Variants in MECOM observed in about 807,000 individuals in gnomAD.
MECOM encodes MDS1 and EVI1 complex locus, also known as histone-lysine N-methyltransferase MECOM.
In MECOM, 13 loss-of-function variants were observed where a neutral mutation model predicts 116.3. That is an observed-to-expected ratio of 0.11 (90% CI 0.07 to 0.18). The LOEUF (loss-of-function observed/expected upper bound fraction) is 0.18, where lower values mean the gene tolerates loss of function less well. MECOM is among the 10% of genes least tolerant of loss of function. MECOM has a pLI of 1.00. For missense variants in MECOM, 1,299 were observed against 1,509.0 expected (o/e 0.86, Z 2.31); for synonymous variants, 528 against 535.2 (o/e 0.99, Z 0.19).
chr3:169,326,569 C>G (rs1560135084), intron 2 of MECOM, among the ~76,000 whole-genome samples: 1 of 152,068 alleles, frequency 6.6e-6, no homozygotes. Flanking sequence ...GTTGAATGGT[C>G]TCCTTTTGCT....
intron 5 of MECOM, among the ~76,000 whole-genome samples, chr3:169,124,030 A>C (rs1409332140): frequency 1.3e-5 from 2 of 152,128 alleles, no homozygotes; most frequent in Non-Finnish European, 2.9e-5. Flanking sequence ...AAGGTTCTCT[A>C]CGCGAAATTA....
At chr3:169,630,677 G>A (rs1039725502) in intron 1 of MECOM, among the ~76,000 whole-genome samples, 1 of 152,050 alleles carries the variant, frequency 6.6e-6, no homozygotes, top group Non-Finnish European at 1.5e-5. Context: ...TCTCTAGGCT[G>A]GTCTTAAATC....
intron 1 of MECOM, among the ~76,000 whole-genome samples, chr3:169,427,057 A>T (rs558103829): frequency 1.3e-5 from 2 of 152,168 alleles, no homozygotes; most frequent in Admixed American, 1.3e-4. Flanking sequence ...GCATGGATAT[A>T]TAACAGAGAG....
At chr3:169,568,246 G>C (rs1409915067) in intron 1 of MECOM, among the ~76,000 whole-genome samples, 2 of 152,142 alleles carry the variant, frequency 1.3e-5, no homozygotes, top group African/African-American at 2.4e-5. Context: ...ATTCCCTCAG[G>C]TGCCTAGGCC....
intron 13 of MECOM, 63 bp downstream of exon 13, chr3:169,095,013 T>C: frequency 7.4e-7 from 1 of 1,343,596 alleles, no homozygotes; most frequent in Non-Finnish European, 9.9e-7. Context: ...TCACATTATC[T>C]TATTATCTTT....
intron 2 of MECOM, among the ~76,000 whole-genome samples, chr3:169,191,161 C>T (rs1234806764): frequency 6.6e-6 from 1 of 151,920 alleles, no homozygotes; most frequent in Non-Finnish European, 1.5e-5. Context: ...CAGCATTGCC[C>T]CTCTCTCCAC....
At chr3:169,318,658 A>C (rs1720227760) in intron 2 of MECOM, among the ~76,000 whole-genome samples, 1 of 152,214 alleles carries the variant, frequency 6.6e-6, no homozygotes, top group East Asian at 1.9e-4. Flanking sequence ...GAATGCTTTT[A>C]CACTGTTGAT....
intron 1 of MECOM, among the ~76,000 whole-genome samples, chr3:169,562,226 T>C (rs1430501195): frequency 1.3e-5 from 2 of 150,866 alleles, no homozygotes; most frequent in African/African-American, 4.9e-5. Context: ...ACATTCTTTA[T>C]TGGAAACAAT....
At chr3:169,235,778 G>A (rs981168099) in intron 2 of MECOM, among the ~76,000 whole-genome samples, 3 of 150,624 alleles carry the variant, frequency 2.0e-5, no homozygotes, top group Non-Finnish European at 4.4e-5. Context: ...TGTAAAACAA[G>A]GATCGCTTAT....
At chr3:169,387,951 A>C (rs1039033567) in intron 1 of MECOM, among the ~76,000 whole-genome samples, 1 of 152,106 alleles carries the variant, frequency 6.6e-6, no homozygotes, top group Non-Finnish European at 1.5e-5. Flanking sequence ...TAAAAACATG[A>C]GCAAACTTCA....
intron 1 of MECOM, among the ~76,000 whole-genome samples, chr3:169,551,213 C>T (rs993688770): frequency 1.3e-5 from 2 of 152,142 alleles, no homozygotes; most frequent in South Asian, 4.1e-4. Flanking sequence ...TCCTGTATAT[C>T]CTGGCTTCCT....
intron 2 of MECOM, among the ~76,000 whole-genome samples, chr3:169,353,544 C>G (rs1245454876): frequency 6.6e-6 from 1 of 151,656 alleles, no homozygotes; most frequent in East Asian, 1.9e-4. Flanking sequence ...CAAGTTAACC[C>G]TAAATAAGTA....
intron 2 of MECOM, among the ~76,000 whole-genome samples, chr3:169,244,711 G>A (rs930249245): frequency 3.3e-5 from 5 of 152,194 alleles, no homozygotes; most frequent in African/African-American, 1.2e-4. Flanking sequence ...CCAGAGGCGT[G>A]TACTAAAGCA....
intron 1 of MECOM, among the ~76,000 whole-genome samples, chr3:169,448,285 C>T (rs1001100517): frequency 6.6e-6 from 1 of 152,104 alleles, no homozygotes; most frequent in African/African-American, 2.4e-5. Flanking sequence ...TGCTTAGGTG[C>T]CTGACCAGGA....
At chr3:169,098,677 A>G (rs1230657003) in intron 12 of MECOM, among the ~76,000 whole-genome samples, 2 of 151,998 alleles carry the variant, frequency 1.3e-5, no homozygotes, top group Non-Finnish European at 2.9e-5. Context: ...TCACTCACTA[A>G]TTTTTTATTT....
intron 2 of MECOM, among the ~76,000 whole-genome samples, chr3:169,193,158 A>C (rs1174541010): frequency 6.6e-6 from 1 of 152,002 alleles, no homozygotes; most frequent in East Asian, 1.9e-4. Flanking sequence ...AAAATTTAAT[A>C]GACATGAAAA....
chr3:169,466,834 C>T (rs1181292171), intron 1 of MECOM, among the ~76,000 whole-genome samples: 1 of 152,144 alleles, frequency 6.6e-6, no homozygotes, highest in African/African-American at 2.4e-5. Context: ...TAAAATTCAT[C>T]AATCCTAATT....
At chr3:169,387,302 C>T (rs966634478) in intron 1 of MECOM, among the ~76,000 whole-genome samples, 36 of 152,208 alleles carry the variant, frequency 2.4e-4, no homozygotes, top group African/African-American at 8.4e-4. Context: ...CTGTGAACGG[C>T]AGGCTAGAAA....
intron 6 of MECOM, among the ~76,000 whole-genome samples, chr3:169,121,966 G>A (rs1295582628): frequency 6.6e-6 from 1 of 151,954 alleles, no homozygotes; most frequent in East Asian, 1.9e-4. Context: ...ATGACACCAG[G>A]ACATCTTTGA....
Sources: gnomAD v4.1 joint callset for allele counts (sites outside exome capture counted in the v4.1 genomes callset) on GRCh38, gnomAD v4.1.1 for gene constraint, MANE v1.5 for transcripts, NCBI Gene and HGNC (gene_info 2026-07-23, HGNC 2026-07-21) for gene names.